The following LMNTD1 variants were observed in gnomAD, a reference collection of about 807,000 sequenced individuals.
LMNTD1 encodes lamin tail domain containing 1, also known as lamin tail domain-containing protein 1.
In LMNTD1, 35 loss-of-function variants were observed where a neutral mutation model predicts 50.9. The ratio of observed to expected loss-of-function variants is 0.69; its 90% CI spans 0.53 to 0.91. The LOEUF is 0.91. Among genes scored for constraint, LMNTD1 ranks in the 40% least tolerant of loss-of-function variants. LMNTD1 has a pLI of 0.00. For synonymous variants in LMNTD1, 153 were observed against 161.9 expected, an observed-to-expected ratio of 0.94 and a Z score of 0.42; for missense variants, 470 against 475.5, an observed-to-expected ratio of 0.99 and a Z score of 0.11.
At chr12:25,633,827 A>G (rs113553322) in intron 1 of LMNTD1, among the ~76,000 whole-genome samples, 2,043 of 152,348 alleles carry the variant, frequency 0.013, 32 homozygotes, top group Admixed American at 0.039. Flanking sequence ...AACCAAGACC[A>G]GAGCAGAACT....
chr12:25,527,433 C>G (rs1430296913), intron 4 of LMNTD1, among the ~76,000 whole-genome samples: 1 of 151,052 alleles, frequency 6.6e-6, no homozygotes, highest in Non-Finnish European at 1.5e-5. Context: ...CACCTTTTAA[C>G]TTGCATTGAG....
At chr12:25,628,490 TC>T (rs900751843) in intron 1 of LMNTD1, among the ~76,000 whole-genome samples, 3 of 152,084 alleles carry the variant, frequency 2.0e-5, no homozygotes, top group African/African-American at 4.8e-5. Context: ...AATAATCACT[TC>T]CCCCAAGATG....
intron 1 of LMNTD1, among the ~76,000 whole-genome samples, chr12:25,598,245 T>C (rs1012972438): frequency 1.3e-5 from 2 of 152,030 alleles, no homozygotes; most frequent in Admixed American, 1.3e-4. Flanking sequence ...TTAAACAATA[T>C]GCTCCTGAAT....
chr12:25,605,727 T>G (rs4963903), intron 1 of LMNTD1, among the ~76,000 whole-genome samples: 142,738 of 152,234 alleles, frequency 0.94, 67,643 homozygotes, highest in East Asian at 1. Context: ...CCAGTACCAT[T>G]CTGTTTTGGT....
intron 1 of LMNTD1, among the ~76,000 whole-genome samples, chr12:25,622,770 C>CAAACAAAACA (rs1034309424): frequency 1.3e-5 from 2 of 151,958 alleles, no homozygotes; most frequent in African/African-American, 2.4e-5. Flanking sequence ...ACTATGAAAA[C>CAAACAAAACA]AAACAAAACA....
intron 1 of LMNTD1, among the ~76,000 whole-genome samples, chr12:25,593,736 G>A (rs1435632132): frequency 6.7e-6 from 1 of 150,338 alleles, no homozygotes; most frequent in Non-Finnish European, 1.5e-5. Flanking sequence ...AAAGAATTCA[G>A]AAGGTTAATT....
chr12:25,604,805 C>T (rs551984357), intron 1 of LMNTD1, among the ~76,000 whole-genome samples: 3 of 152,286 alleles, frequency 2.0e-5, no homozygotes, highest in Non-Finnish European at 4.4e-5. Flanking sequence ...CTGCAATAAA[C>T]ATATGTGTGC....
chr12:25,600,937 C>A (rs1038296848), intron 1 of LMNTD1, among the ~76,000 whole-genome samples: 1 of 151,952 alleles, frequency 6.6e-6, no homozygotes, highest in African/African-American at 2.4e-5. Flanking sequence ...ACCTAGCAAT[C>A]CCACTGCTGA....
chr12:25,525,182 T>C (rs1162097070), intron 6 of LMNTD1, among the ~76,000 whole-genome samples: 2 of 152,198 alleles, frequency 1.3e-5, no homozygotes, highest in East Asian at 3.9e-4. Context: ...CTTATTGGTG[T>C]GTCCATGGGT....
chr12:25,558,077 A>G (rs1944114479), upstream of LMNTD1, among the ~76,000 whole-genome samples: 1 of 152,226 alleles, frequency 6.6e-6, no homozygotes, highest in Non-Finnish European at 1.5e-5. Flanking sequence ...ATTTTAACCT[A>G]TGAGAGGAGC....
At chr12:25,526,611 T>C (rs550658334) in intron 5 of LMNTD1, among the ~76,000 whole-genome samples, 158 bp downstream of exon 5, 4 of 152,260 alleles carry the variant, frequency 2.6e-5, no homozygotes, top group Admixed American at 2.0e-4. Flanking sequence ...ATCCAGAAGA[T>C]GGACAAAGTG....
intron 8 of LMNTD1, among the ~76,000 whole-genome samples, chr12:25,514,893 T>A (rs1157122622): frequency 6.6e-6 from 1 of 152,168 alleles, no homozygotes; most frequent in African/African-American, 2.4e-5. Flanking sequence ...GCACATAATT[T>A]AAGATTCTGG....
chr12:25,487,673 C>T (rs1247401110), intron 9 of LMNTD1, among the ~76,000 whole-genome samples: 1 of 128,810 alleles, frequency 7.8e-6, no homozygotes, highest in Admixed American at 8.5e-5. Flanking sequence ...TTGATCCTGT[C>T]ATTATGATGT....
intron 1 of LMNTD1, among the ~76,000 whole-genome samples, chr12:25,620,722 GT>G (rs1215622072): frequency 6.6e-6 from 1 of 152,150 alleles, no homozygotes; most frequent in African/African-American, 2.4e-5. Context: ...CAGGCACTGG[GT>G]CCCCGCTTCT....
At chr12:25,569,998 T>C (rs1351101221) in intron 1 of LMNTD1, among the ~76,000 whole-genome samples, 1 of 152,228 alleles carries the variant, frequency 6.6e-6, no homozygotes, top group East Asian at 1.9e-4. Flanking sequence ...ATCGATGCCT[T>C]TAGCAGTCAG....
intron 1 of LMNTD1, among the ~76,000 whole-genome samples, chr12:25,621,378 C>A (rs532928098): frequency 8.5e-5 from 13 of 152,260 alleles, no homozygotes; most frequent in African/African-American, 3.1e-4. Context: ...ATGTGAGCCA[C>A]TGCACCCAGC....
Position 25,541,875 on chromosome 12 carries a change from GA to G in LMNTD1, c.491+4498del, listed in dbSNP as rs1160732513. 6.1e-5 allele frequency among the ~76,000 whole-genome samples: 9 copies of G among 147,988 alleles called. No homozygotes were observed. The East Asian group carries it at 1.8e-3, about 30-fold the overall frequency. On this transcript the variant is annotated intron_variant, in intron 4 of 9. Transcript: ENST00000458174. ...ACAATGAACTCAAACAAATTTACAA[GA>G]AAAAAACAAACAACCCCATCAAAAA...
intron 9 of LMNTD1, among the ~76,000 whole-genome samples, chr12:25,485,585 C>G (rs61924633): frequency 1.4e-4 from 19 of 137,804 alleles, no homozygotes; most frequent in Admixed American, 3.8e-4. Flanking sequence ...TTTCCCATGC[C>G]TATGTCCTGA....
At chr12:25,616,371 T>C (rs1185094290) in intron 1 of LMNTD1, among the ~76,000 whole-genome samples, 1 of 152,154 alleles carries the variant, frequency 6.6e-6, no homozygotes, top group Non-Finnish European at 1.5e-5. Flanking sequence ...AATGAACTAT[T>C]GACACACACA....
Sources: gnomAD v4.1 joint callset for allele counts (sites outside exome capture counted in the v4.1 genomes callset) on GRCh38, gnomAD v4.1.1 for gene constraint, MANE v1.5 for transcripts, NCBI Gene and HGNC (gene_info 2026-07-23, HGNC 2026-07-21) for gene names.